PXDNL: variants seen among roughly 807,000 people sequenced by gnomAD.
PXDNL encodes peroxidasin like.
Under a neutral mutation model 150.8 loss-of-function variants are expected in PXDNL, and 145 were observed. That is an observed-to-expected ratio of 0.96 (90% CI 0.84 to 1.10). The LOEUF is 1.10. Ranked by LOEUF, PXDNL falls within the 50% of genes least tolerant of loss-of-function variation. The pLI is 0.00. For missense variants in PXDNL, 2,087 were observed against 1,873.9 expected (o/e 1.11, Z -2.10); for synonymous variants, 757 against 725.7 (o/e 1.04, Z -0.69).
intron 12 of PXDNL, among the ~76,000 whole-genome samples, chr8:51,439,577 C>A (rs1474654788): frequency 1.3e-5 from 2 of 152,092 alleles, no homozygotes; most frequent in East Asian, 1.9e-4. Context: ...GTAATCCCAA[C>A]ACTTTGGGAG....
chr8:51,397,661 G>T (rs920604432), intron 17 of PXDNL, among the ~76,000 whole-genome samples: 1 of 152,096 alleles, frequency 6.6e-6, no homozygotes, highest in Non-Finnish European at 1.5e-5. Context: ...CTCTGCAGGG[G>T]TAACAATATT....
Position 51,365,048 on chromosome 8 carries a change from C to A in PXDNL, c.3901+6825G>T, listed in dbSNP as rs1008687349. 2.6e-5 allele frequency among the ~76,000 whole-genome samples: 4 copies of A among 152,278 alleles called. No homozygotes were observed. The East Asian group carries it at 7.7e-4, about 29-fold the overall frequency. ...CTCTGCCTCCTGGGTTCAAACAATT[C>A]TCTTGCCTCAGCCTCCCAAGTAGCT... On this transcript the variant is annotated intron_variant, in intron 19 of 22. Transcript: ENST00000356297.
At chr8:51,320,747 A>AT in intron 22 of PXDNL, 37 bp downstream of exon 22, 1 of 1,439,260 alleles carries the variant, frequency 6.9e-7, no homozygotes. Flanking sequence ...GCTAGAAGTG[A>AT]AATGGGGAGT....
intron 5 of PXDNL, among the ~76,000 whole-genome samples, chr8:51,486,931 G>C (rs1373769942): frequency 6.8e-6 from 1 of 147,658 alleles, no homozygotes; most frequent in Non-Finnish European, 1.5e-5. Context: ...CTCCCAAGTA[G>C]CTACAGGCGC....
In PXDNL at chr8:51,596,306, A is replaced by AC. The variant is rs1244872471; in HGVS notation, c.237-3609dup. On this transcript the variant is annotated intron_variant, in intron 2 of 22. Transcript: ENST00000356297. ...TCCTTATCCAGTCTACCACTGATGA[A>AC]CACCTGTGTTGATTCCATGATTTTG... 9.8e-5 allele frequency among the ~76,000 whole-genome samples: 15 copies of AC among 152,296 alleles called. No homozygotes were observed. The South Asian group carries it at 3.1e-3, about 32-fold the overall frequency.
chr8:51,431,943 T>C (rs1234148869), intron 12 of PXDNL, among the ~76,000 whole-genome samples: 1 of 152,236 alleles, frequency 6.6e-6, no homozygotes, highest in Non-Finnish European at 1.5e-5. Context: ...TTGCCAGTTA[T>C]ATATATTGCA....
Position 51,436,577 on chromosome 8 carries a change from T to C in PXDNL, c.1526-9819A>G, listed in dbSNP as rs1809413049. ...AAAGGATCCCTCAAAACCATGCAAATACATGGAAATTAAACAATCTGCTCC... is the reference window on the plus strand; with the variant it reads ...AAAGGATCCCTCAAAACCATGCAAACACATGGAAATTAAACAATCTGCTCC... On this transcript the variant is annotated intron_variant, in intron 12 of 22. Coordinates refer to ENST00000356297, the MANE Select transcript of PXDNL (RefSeq NM_144651.5). 5 of 210,400 alleles carry C rather than the reference T, an allele frequency of 2.4e-5. No individual in the cohort carries two copies. In the South Asian group the frequency reaches 3.4e-4, roughly 14 times the overall value. The allele number at this position is 210,400 out of a possible 1,614,324, so 13.0% of individuals were successfully genotyped here. A position where few individuals can be genotyped will look rare whatever the true frequency, so the allele number is the denominator to read the frequency against.
At chr8:51,621,444 G>GTC (rs1814249413) in intron 2 of PXDNL, among the ~76,000 whole-genome samples, 2 of 125,656 alleles carry the variant, frequency 1.6e-5, no homozygotes, top group Admixed American at 1.6e-4. Context: ...GAGTGTGTGT[G>GTC]TGTCTGTGTG....
chr8:51,568,428 C>T (rs1441116406), intron 3 of PXDNL, among the ~76,000 whole-genome samples: 3 of 151,830 alleles, frequency 2.0e-5, no homozygotes, highest in Non-Finnish European at 2.9e-5. Flanking sequence ...AAATATTTTA[C>T]TTCATGCTCT....
At chr8:51,668,176 C>CTTTTTTTTT (rs71550279) in intron 1 of PXDNL, among the ~76,000 whole-genome samples, 5,862 of 76,828 alleles carry the variant, frequency 0.076, 1,587 homozygotes, top group African/African-American at 0.23. Flanking sequence ...CTCGCTCTCT[C>CTTTTTTTTT]TTTTTTTTTT....
chr8:51,729,503 A>G (rs4873202), intron 1 of PXDNL, among the ~76,000 whole-genome samples: 140,107 of 152,246 alleles, frequency 0.92, 64,762 homozygotes, highest in South Asian at 0.97. Context: ...AACACTAAAT[A>G]CTGGTGAGGA....
intron 14 of PXDNL, among the ~76,000 whole-genome samples, chr8:51,418,056 T>C (rs1457757793): frequency 6.6e-6 from 1 of 152,222 alleles, no homozygotes; most frequent in East Asian, 1.9e-4. Context: ...AAAATGTATA[T>C]GTTAAAATTT....
rs576821451 is a variant in PXDNL, at chr8:51,678,520, T to C, written c.165-23760A>G. ...AAGAAAATGTGGCACATATACACCA[T>C]GGAATACTATGCAGCCATAAAAAAT... On this transcript the variant is annotated intron_variant, in intron 1 of 22. Transcript: ENST00000356297. 1.0e-3 allele frequency among the ~76,000 whole-genome samples: 151 copies of C among 151,718 alleles called. 1 individual carries two copies. Among genetic ancestry groups the C allele is most frequent in the African/African-American group, 3.4e-3 (141 of 41,066 alleles).
chr8:51,444,856 AT>A (rs1809638275), intron 12 of PXDNL, among the ~76,000 whole-genome samples: 1 of 151,736 alleles, frequency 6.6e-6, no homozygotes, highest in African/African-American at 2.4e-5. Context: ...TCTGACTTTC[AT>A]TTTTCTCCAC....
intron 3 of PXDNL, among the ~76,000 whole-genome samples, chr8:51,574,372 A>G (rs1175116386): frequency 6.6e-6 from 1 of 152,042 alleles, no homozygotes; most frequent in Non-Finnish European, 1.5e-5. Flanking sequence ...TCTGAACCAC[A>G]GAGAGAAGAA....
intron 5 of PXDNL, among the ~76,000 whole-genome samples, chr8:51,499,462 C>T (rs539220394): frequency 2.6e-5 from 4 of 152,140 alleles, no homozygotes; most frequent in Non-Finnish European, 5.9e-5. Flanking sequence ...AGCTTTCTCT[C>T]ATTTGTGAAG....
intron 14 of PXDNL, among the ~76,000 whole-genome samples, chr8:51,422,080 G>C (rs555211702): frequency 1.3e-5 from 2 of 152,090 alleles, no homozygotes; most frequent in African/African-American, 4.8e-5. Context: ...CTGCACATGT[G>C]AGGGATCTAG....
At position 51,809,320 on chromosome 8, in the gene PXDNL, T is replaced by C. The variant is rs2037710499; in HGVS notation, c.25A>G (p.Thr9Ala). MEPRLFCWTTLFLLAGWCL... is the reference protein window; with the variant it reads MEPRLFCWATLFLLAGWCL... ...CACCCGGCCAGGAGAAAGAGAGTGG[T>C]CCAGCAGAACAGTCTGGGCTCCATC... The change falls in exon 1 of 23, where the codon ACC becomes GCC. Residue 9 changes from threonine to alanine, a missense_variant. Thr to Ala is a moderately conservative substitution (Grantham distance 58). Coordinates refer to ENST00000356297, the MANE Select transcript of PXDNL (RefSeq NM_144651.5). The C allele has an allele frequency of 1.3e-6, 2 of 1,565,210 alleles. No homozygotes were observed. The highest frequency in any genetic ancestry group is 8.7e-7 in the Non-Finnish European group (1 of 1,155,086).
chr8:51,781,681 C>A (rs1402640248), intron 1 of PXDNL, among the ~76,000 whole-genome samples: 1 of 152,138 alleles, frequency 6.6e-6, no homozygotes, highest in Admixed American at 6.5e-5. Flanking sequence ...AGGAAAAGGC[C>A]AAGGAAAATA....
Sources: gnomAD v4.1 joint callset for allele counts (sites outside exome capture counted in the v4.1 genomes callset) on GRCh38, gnomAD v4.1.1 for gene constraint, MANE v1.5 for transcripts, NCBI Gene and HGNC (gene_info 2026-07-23, HGNC 2026-07-21) for gene names.